The following CTPS1 variants were observed in gnomAD, a reference collection of about 807,000 sequenced individuals.
CTPS1 encodes the protein CTP synthase 1, also known as CTP synthetase 1.
A neutral mutation model predicts 80.5 loss-of-function variants in CTPS1; 25 were observed. That is an observed-to-expected ratio of 0.31 (90% CI 0.23 to 0.43). The LOEUF (loss-of-function observed/expected upper bound fraction) is 0.43. Among genes scored for constraint, CTPS1 ranks in the 20% least tolerant of loss-of-function variants. CTPS1 has a pLI of 1.00. For missense variants in CTPS1, 442 were observed against 725.7 expected (o/e 0.61, Z 4.49); for synonymous variants, 267 against 252.5 (o/e 1.06, Z -0.54).
Position 41,010,268 on chromosome 1 carries a change from TA to T in CTPS1, c.*9+17del. 6.4e-7 allele frequency: 1 copy of T among 1,573,334 alleles called. No individual in the cohort carries two copies. Among genetic ancestry groups the T allele is most frequent in the African/African-American group, 1.3e-5 (1 of 74,086 alleles). On this transcript the variant is annotated intron_variant, in intron 18 of 18. Coordinates refer to ENST00000650070, the MANE Select transcript of CTPS1 (RefSeq NM_001905.4). ...TGATCTTGTAGCGTAAGTGGTACTT[TA>T]AAGTTTTAGTTTTTAAAAACATGGT...
intron 5 of CTPS1, among the ~76,000 whole-genome samples, chr1:40,989,584 C>T (rs904978571): frequency 6.6e-6 from 1 of 152,038 alleles, no homozygotes; most frequent in Non-Finnish European, 1.5e-5. Flanking sequence ...TTATAGGTAG[C>T]ATTTAAGCAG....
chr1:41,006,292 A>C (rs894620004), intron 13 of CTPS1, among the ~76,000 whole-genome samples, 198 bp downstream of exon 13: 5 of 152,190 alleles, frequency 3.3e-5, no homozygotes, highest in African/African-American at 4.8e-5. Context: ...TCTTTCATTG[A>C]CCACAGAAAG....
rs556416468 is a variant in CTPS1, at chr1:41,012,203, G to A, written c.*555G>A. ...GTGGCTGGTCCTCATTCAAAGGGACGGTCAGTTTGGTGTCAACATGAAACA... is the reference window on the plus strand; with the variant it reads ...GTGGCTGGTCCTCATTCAAAGGGACAGTCAGTTTGGTGTCAACATGAAACA... On this transcript the variant is annotated 3_prime_UTR_variant, in exon 19 of 19. Coordinates refer to ENST00000650070, the MANE Select transcript of CTPS1 (RefSeq NM_001905.4). 99 of 152,198 alleles carry A rather than the reference G, an allele frequency of 6.5e-4. 1 individual carries two copies. The highest frequency in any genetic ancestry group is 2.2e-3 in the African/African-American group (93 of 41,518). The allele number at this position is 152,198 out of a possible 1,614,324, so 9.4% of individuals were successfully genotyped here. A position where few individuals can be genotyped will look rare whatever the true frequency, so the allele number is the denominator to read the frequency against.
intron 12 of CTPS1, 111 bp downstream of exon 12, chr1:41,003,287 T>C: frequency 8.8e-7 from 1 of 1,135,824 alleles, no homozygotes; most frequent in Non-Finnish European, 1.3e-6. Context: ...AGGCCTGGGT[T>C]CCTAGCACCT....
At position 40,984,794 on chromosome 1, in the gene CTPS1, C is replaced by T. The variant is rs772827860; in HGVS notation, c.167-27C>T. On this transcript the variant is annotated intron_variant, in intron 2 of 18. Transcript: ENST00000650070. ...CATGGTATAGGTATTTTTCACTTAA[C>T]GTAAATGGTTTCTCTGTTCACTGCA... 66 of 1,467,836 alleles carry T rather than the reference C, an allele frequency of 4.5e-5. No individual in the cohort carries two copies. The South Asian group carries it at 4.7e-4, about 10-fold the overall frequency. The allele number at this position is 1,467,836 out of a possible 1,614,324, so 90.9% of individuals were successfully genotyped here.
Position 41,007,652 on chromosome 1 carries a change from G to A in CTPS1, c.1393+107G>A, listed in dbSNP as rs1207411999. On this transcript the variant is annotated intron_variant, in intron 14 of 18. Transcript: ENST00000650070. The surrounding 1 kb of genome is among the most constrained non-coding windows in gnomAD (Gnocchi z 4.4). ...GAGCAGGCTGGCTTTTTTTGGTTTC[G>A]TTCTTGCTTTTGAAGTTCATTCTTT... is the stretch of plus-strand genomic sequence containing the variant. 1.6e-4 allele frequency: 140 copies of A among 857,734 alleles called. 1 individual carries two copies. The highest frequency in any genetic ancestry group is 3.4e-5 in the African/African-American group (2 of 59,574). 53.1% of individuals were successfully genotyped at this position (857,734 alleles called of 1,614,324 possible).
intron 3 of CTPS1, among the ~76,000 whole-genome samples, chr1:40,987,052 C>T (rs1188973816): frequency 6.6e-6 from 1 of 152,118 alleles, no homozygotes; most frequent in East Asian, 1.9e-4. Flanking sequence ...CAGCTGTGAG[C>T]AATAGGGTTG....
At chr1:40,990,275 A>T (rs1003499402) in intron 5 of CTPS1, among the ~76,000 whole-genome samples, 3 of 152,190 alleles carry the variant, frequency 2.0e-5, no homozygotes, top group Admixed American at 2.0e-4. Flanking sequence ...ATTCAAGGAA[A>T]TTTCTAGACA....
At chr1:41,010,102 CAG>C in intron 17 of CTPS1, 57 bp from the exon 18 acceptor site, 2 of 1,225,462 alleles carry the variant, frequency 1.6e-6, no homozygotes, top group East Asian at 2.3e-5. Flanking sequence ...GTTACAAAAA[CAG>C]GGACGTAAAG....
chr1:41,004,547 T>C (rs1013290217), intron 12 of CTPS1, among the ~76,000 whole-genome samples: 1 of 152,188 alleles, frequency 6.6e-6, no homozygotes, highest in Non-Finnish European at 1.5e-5. Flanking sequence ...GAGCTTACAC[T>C]TCAGTTGAGA....
At chr1:40,991,129 AAACT>A (rs747327086) in intron 5 of CTPS1, 32 bp from the exon 6 acceptor site, 2 of 1,449,700 alleles carry the variant, frequency 1.4e-6, no homozygotes, top group African/African-American at 1.4e-5. Flanking sequence ...TATCAGAGGG[AAACT>A]AACTTTTTTT....
chr1:40,997,197 G>A (rs1253158416), intron 8 of CTPS1, 197 bp from the exon 9 acceptor site: 4 of 571,516 alleles, frequency 7.0e-6, no homozygotes, highest in Non-Finnish European at 9.1e-6. Context: ...CAGTGGTGCA[G>A]TCAGCTCACT....
At chr1:41,009,242 C>T (rs1643109875) in intron 16 of CTPS1, among the ~76,000 whole-genome samples, 2 of 152,174 alleles carry the variant, frequency 1.3e-5, no homozygotes, top group African/African-American at 4.8e-5. Flanking sequence ...GGCCTTCAGC[C>T]AGGAGGGGAC....
chr1:41,002,393 A>G (rs1050557464), intron 11 of CTPS1, 139 bp downstream of exon 11: 2 of 678,648 alleles, frequency 2.9e-6, no homozygotes, highest in Middle Eastern at 4.1e-4. Context: ...AGAAGCCTTC[A>G]TGTTTTCTCT....
At chr1:40,987,268 T>A (rs750936493) in intron 3 of CTPS1, 104 bp from the exon 4 acceptor site, 1 of 816,046 alleles carries the variant, frequency 1.2e-6, no homozygotes, top group Non-Finnish European at 2.1e-6. Context: ...ATTGCTACTC[T>A]CTCCAGGCAA....
intron 12 of CTPS1, among the ~76,000 whole-genome samples, chr1:41,005,246 A>C (rs903639113): frequency 6.6e-6 from 1 of 152,080 alleles, no homozygotes; most frequent in Admixed American, 6.5e-5. Flanking sequence ...GGAGTTCGAG[A>C]CCAGCCTGAC....
rs76417011 is a variant in CTPS1, at chr1:41,007,451, C to T, written c.1299C>T (p.Val433=). 2.8e-5 allele frequency: 45 copies of T among 1,613,874 alleles called. No homozygotes were observed. The East Asian group carries it at 6.0e-4, about 22-fold the overall frequency. The change falls in exon 14 of 19, where the codon GTC becomes GTT. Residue 433 remains valine (V), a splice_region_variant and synonymous_variant. Coordinates refer to ENST00000650070, the MANE Select transcript of CTPS1 (RefSeq NM_001905.4). This position sits in a 1 kb window ranked among gnomAD's most constrained non-coding sequence, Gnocchi z 4.4. ...GTCTGTTTTCTGAACATCTCCAGGT[C>T]GTAGACATGCCAGAACACAACCCAG... is the stretch of plus-strand genomic sequence containing the variant. ...EFDPTTSHPV[V]VDMPEHNPGQ...
At chr1:41,004,332 TC>T (rs1190659937) in intron 12 of CTPS1, 1 of 152,244 alleles carries the variant, frequency 6.6e-6, no homozygotes, top group African/African-American at 2.4e-5. Flanking sequence ...ATTCACCCTT[TC>T]CCTGAGAGGC....
At chr1:40,995,396 GT>G (rs1240457710) in intron 7 of CTPS1, among the ~76,000 whole-genome samples, 158 of 131,428 alleles carry the variant, frequency 1.2e-3, no homozygotes, top group South Asian at 3.7e-3. Context: ...TTTTTTGGGT[GT>G]TTTTTTTTTT....
Sources: gnomAD v4.1 joint callset for allele counts (sites outside exome capture counted in the v4.1 genomes callset) on GRCh38, gnomAD v4.1.1 for gene constraint, Gnocchi (gnomAD v3.1) non-coding constraint, MANE v1.5 for transcripts, NCBI Gene and HGNC (gene_info 2026-07-23, HGNC 2026-07-21) for gene names.